The following DENND1A variants were observed in gnomAD, a reference collection of about 807,000 sequenced individuals.
The protein encoded by DENND1A is DENN domain containing 1A, also known as DENN domain-containing protein 1A.
Under a neutral mutation model 113.7 loss-of-function variants are expected in DENND1A, and 51 were observed. That is an observed-to-expected ratio of 0.45 (90% CI 0.36 to 0.57). DENND1A has a LOEUF of 0.57. DENND1A is among the 20% of genes least tolerant of loss of function. The pLI is 0.00. For synonymous variants in DENND1A, 565 were observed against 570.8 expected, an observed-to-expected ratio of 0.99 and a Z score of 0.14; for missense variants, 1,258 against 1,395.9, an observed-to-expected ratio of 0.90 and a Z score of 1.57.
intron 2 of DENND1A, among the ~76,000 whole-genome samples, chr9:123,813,471 T>C (rs1360222435): frequency 3.9e-5 from 6 of 152,036 alleles, no homozygotes; most frequent in Non-Finnish European, 1.5e-5. Flanking sequence ...TGATAACCTT[T>C]TTATTTCTAA....
At position 123,767,022 on chromosome 9, in the gene DENND1A, T is replaced by G. The variant is rs548600585; in HGVS notation, c.182+2492A>C. On this transcript the variant is annotated intron_variant, in intron 4 of 23. Transcript: ENST00000394215. ...GAACGCAATCACCTGGGGCATTACT[T>G]GTCTCCCAGGCTGGCATATTTTCTA... 2.0e-5 allele frequency among the ~76,000 whole-genome samples: 3 copies of G among 152,288 alleles called. No homozygotes were observed. The South Asian group carries it at 6.2e-4, about 32-fold the overall frequency.
intron 1 of DENND1A, among the ~76,000 whole-genome samples, chr9:123,921,776 T>G (rs537004251): frequency 6.6e-6 from 1 of 152,106 alleles, no homozygotes; most frequent in Non-Finnish European, 1.5e-5. Context: ...ATATAACCAG[T>G]CCTCACCTCA....
intron 13 of DENND1A, among the ~76,000 whole-genome samples, chr9:123,517,062 T>C (rs1361185203): frequency 6.6e-6 from 1 of 151,654 alleles, no homozygotes; most frequent in Non-Finnish European, 1.5e-5. Flanking sequence ...TGAATCTTTA[T>C]ATATAAGGTG....
At chr9:123,485,496 T>C (rs2050722605) in intron 13 of DENND1A, 1 of 152,176 alleles carries the variant, frequency 6.6e-6, no homozygotes, top group African/African-American at 2.4e-5. Context: ...TCTCCTCCGC[T>C]GAACACCAGC....
chr9:123,449,659 G>T (rs1038152196), intron 18 of DENND1A, among the ~76,000 whole-genome samples: 4 of 152,112 alleles, frequency 2.6e-5, no homozygotes, highest in Admixed American at 2.6e-4. Context: ...TTCAATCTGG[G>T]GGCATAAAAA....
intron 21 of DENND1A, among the ~76,000 whole-genome samples, chr9:123,390,469 T>C (rs1325775489): frequency 1.3e-5 from 2 of 152,186 alleles, no homozygotes; most frequent in African/African-American, 2.4e-5. Flanking sequence ...TTTAAAATGA[T>C]ATCAACAAGC....
intron 4 of DENND1A, among the ~76,000 whole-genome samples, chr9:123,762,023 G>T (rs991799914): frequency 6.6e-6 from 1 of 152,078 alleles, no homozygotes; most frequent in African/African-American, 2.4e-5. Context: ...GATATTTAGG[G>T]TTTACTTTCA....
intron 9 of DENND1A, among the ~76,000 whole-genome samples, chr9:123,639,039 T>TAAAAAAAAAAAAA (rs750972974): frequency 7.2e-4 from 23 of 32,092 alleles, no homozygotes; most frequent in Admixed American, 1.5e-3. Flanking sequence ...GCATGAGTAG[T>TAAAAAAAAAAAAA]AAAAAAAAAA....
intron 8 of DENND1A, among the ~76,000 whole-genome samples, chr9:123,657,981 C>G (rs1320299537): frequency 1.3e-5 from 2 of 152,112 alleles, no homozygotes; most frequent in Non-Finnish European, 2.9e-5. Flanking sequence ...AAACAATTAC[C>G]TGACAACTCT....
intron 13 of DENND1A, among the ~76,000 whole-genome samples, chr9:123,511,225 G>A (rs962444113): frequency 7.2e-5 from 11 of 152,206 alleles, no homozygotes; most frequent in Admixed American, 6.5e-4. Context: ...GGGCTCAGAT[G>A]TCTGAGGCCT....
At chr9:123,597,952 T>C (rs2059769561) in intron 11 of DENND1A, among the ~76,000 whole-genome samples, 1 of 152,126 alleles carries the variant, frequency 6.6e-6, no homozygotes, top group Non-Finnish European at 1.5e-5. Context: ...GCAATAGATA[T>C]AAAATTTTAT....
At chr9:123,441,290 TTAATTA>T (rs1564494019) in intron 18 of DENND1A, among the ~76,000 whole-genome samples, 1 of 152,324 alleles carries the variant, frequency 6.6e-6, no homozygotes, top group South Asian at 2.1e-4. Context: ...TTGCATTACT[TTAATTA>T]TGAGTATGGA....
chr9:123,591,738 T>C (rs1025413576), intron 11 of DENND1A, among the ~76,000 whole-genome samples: 2 of 152,234 alleles, frequency 1.3e-5, no homozygotes, highest in African/African-American at 2.4e-5. Context: ...CTGGGAGGTC[T>C]GCCTGGCAGC....
chr9:123,602,541 G>C (rs1193650385), intron 11 of DENND1A, among the ~76,000 whole-genome samples: 1 of 152,184 alleles, frequency 6.6e-6, no homozygotes, highest in Non-Finnish European at 1.5e-5. Flanking sequence ...ATGAAAACAG[G>C]TCAAGTCCTC....
intron 13 of DENND1A, among the ~76,000 whole-genome samples, chr9:123,516,928 A>G (rs1208251951): frequency 6.9e-6 from 1 of 145,596 alleles, no homozygotes; most frequent in Non-Finnish European, 1.5e-5. Flanking sequence ...AAGAACGGAC[A>G]ATAGTAAAAC....
intron 5 of DENND1A, among the ~76,000 whole-genome samples, chr9:123,694,000 G>C (rs1324881240): frequency 3.3e-5 from 5 of 150,064 alleles, no homozygotes; most frequent in African/African-American, 7.4e-5. Flanking sequence ...GCTAAATTTT[G>C]TATTTTTTTT....
intron 13 of DENND1A, among the ~76,000 whole-genome samples, chr9:123,526,190 T>C (rs891109270): frequency 1.5e-4 from 23 of 151,914 alleles, no homozygotes; most frequent in Admixed American, 1.4e-3. Flanking sequence ...CACACACATA[T>C]GCGTACACAC....
chr9:123,790,804 G>A (rs935718218), intron 3 of DENND1A, among the ~76,000 whole-genome samples: 4 of 152,144 alleles, frequency 2.6e-5, no homozygotes, highest in Non-Finnish European at 2.9e-5. Flanking sequence ...ATGCATATAC[G>A]TACACATACA....
rs564446717 is a variant in DENND1A, at chr9:123,507,239, G to T, written c.994-49342C>A. On this transcript the variant is annotated intron_variant, in intron 13 of 23. Transcript: ENST00000394215. ...AAAGAAACATAATATTTTTACACGG[G>T]TAACTGTGCTAAGAGGAACAAGGTT... 5.3e-5 allele frequency among the ~76,000 whole-genome samples: 8 copies of T among 152,248 alleles called. No homozygotes were observed. In the South Asian group the frequency reaches 1.7e-3, roughly 32 times the overall value.
Sources: allele counts gnomAD v4.1 joint callset (sites outside exome capture counted in the v4.1 genomes callset), GRCh38; gene constraint gnomAD v4.1.1; transcripts MANE v1.5; gene names NCBI Gene and HGNC (gene_info 2026-07-23, HGNC 2026-07-21).